Variants in FAF1 observed in about 807,000 individuals in gnomAD.
FAF1 encodes the protein FAS-associated factor 1.
Under a neutral mutation model 92.5 loss-of-function variants are expected in FAF1, and 25 were observed. That is an observed-to-expected ratio of 0.27 (90% CI 0.20 to 0.38). The LOEUF (loss-of-function observed/expected upper bound fraction) is 0.38, where lower values mean the gene tolerates loss of function less well. FAF1 is among the 10% of genes least tolerant of loss of function. FAF1 has a pLI of 1.00. For missense variants in FAF1, 636 were observed against 793.3 expected, an observed-to-expected ratio of 0.80 and a Z score of 2.38; for synonymous variants, 234 against 273.2, an observed-to-expected ratio of 0.86 and a Z score of 1.42.
At chr1:50,621,868 GA>G (rs1223688749) in intron 8 of FAF1, among the ~76,000 whole-genome samples, 4 of 152,164 alleles carry the variant, frequency 2.6e-5, no homozygotes, top group Non-Finnish European at 4.4e-5. Flanking sequence ...TTGCTCCCTA[GA>G]AAGATTCCCC....
chr1:50,828,560 C>T (rs370005460), intron 2 of FAF1, among the ~76,000 whole-genome samples: 24 of 152,194 alleles, frequency 1.6e-4, no homozygotes, highest in Admixed American at 5.2e-4. Context: ...TGAGCCACCG[C>T]GCCCGGCCAA....
chr1:50,760,297 C>A (rs372469503), intron 4 of FAF1, among the ~76,000 whole-genome samples: 3 of 151,974 alleles, frequency 2.0e-5, no homozygotes, highest in Non-Finnish European at 4.4e-5. Context: ...AAGTCAACAA[C>A]GATACCCAGG....
At chr1:50,633,432 G>T (rs1557446100) in intron 8 of FAF1, among the ~76,000 whole-genome samples, 1 of 152,174 alleles carries the variant, frequency 6.6e-6, no homozygotes, top group Admixed American at 6.5e-5. Flanking sequence ...AAGTGGCACA[G>T]CAAAACAAAA....
chr1:50,650,926 C>G (rs1182862433), intron 8 of FAF1, among the ~76,000 whole-genome samples: 1 of 152,124 alleles, frequency 6.6e-6, no homozygotes, highest in Non-Finnish European at 1.5e-5. Flanking sequence ...TCAAAGAGTA[C>G]AAAAGGAACG....
intron 1 of FAF1, among the ~76,000 whole-genome samples, chr1:50,953,555 T>A (rs1302119185): frequency 6.6e-6 from 1 of 152,036 alleles, no homozygotes; most frequent in African/African-American, 2.4e-5. Flanking sequence ...CTGGCCAAGA[T>A]GGCGAAACCC....
At position 50,829,042 on chromosome 1, in the gene FAF1, G is replaced by A. The variant is rs546900530; in HGVS notation, c.115-27365C>T. On this transcript the variant is annotated intron_variant, in intron 2 of 18. Coordinates refer to ENST00000396153, the MANE Select transcript of FAF1 (RefSeq NM_007051.3). ...CCCCAAATGGCTATTAATAATCTGGGAAGTATAATTTAAAACCACAATGAA... is the reference window on the plus strand; with the variant it reads ...CCCCAAATGGCTATTAATAATCTGGAAAGTATAATTTAAAACCACAATGAA... Among the ~76,000 whole-genome samples the A allele has an allele frequency of 2.0e-5, 3 of 152,312 alleles. No homozygotes were observed. The South Asian group carries it at 6.2e-4, about 32-fold the overall frequency.
intron 3 of FAF1, among the ~76,000 whole-genome samples, chr1:50,799,545 TAC>T (rs1012212600): frequency 2.6e-5 from 4 of 152,146 alleles, no homozygotes; most frequent in Non-Finnish European, 5.9e-5. Context: ...AGATAATTAG[TAC>T]AGTTTTTTGT....
chr1:50,744,892 G>T, intron 4 of FAF1, 117 bp from the exon 5 acceptor site: 1 of 518,618 alleles, frequency 1.9e-6, no homozygotes, highest in East Asian at 3.2e-5. Context: ...ACATTTGTCT[G>T]ATGAATATTT....
intron 1 of FAF1, among the ~76,000 whole-genome samples, chr1:50,891,989 GCTGCAGTGGGGTC>G (rs1644724094): frequency 1.3e-5 from 2 of 152,272 alleles, no homozygotes; most frequent in South Asian, 4.1e-4. Context: ...GCCTCCTTGA[GCTGCAGTGGGGTC>G]CACCCAGTTC....
chr1:50,441,957 T>C (rs1316286281), intron 18 of FAF1, among the ~76,000 whole-genome samples: 1 of 151,836 alleles, frequency 6.6e-6, no homozygotes, highest in African/African-American at 2.4e-5. Context: ...AACTGTAGAA[T>C]GGCCATTCCA....
At chr1:50,657,023 C>A (rs867706023) in intron 7 of FAF1, among the ~76,000 whole-genome samples, 1 of 151,858 alleles carries the variant, frequency 6.6e-6, no homozygotes. Context: ...TGAGCCTGGG[C>A]AACATAGTGA....
At chr1:50,770,590 A>C (rs1232583495) in intron 4 of FAF1, among the ~76,000 whole-genome samples, 1 of 152,184 alleles carries the variant, frequency 6.6e-6, no homozygotes, top group Non-Finnish European at 1.5e-5. Context: ...AAAAGACTGC[A>C]TGAAGATATT....
chr1:50,448,351 GT>G (rs1557948841), intron 18 of FAF1, among the ~76,000 whole-genome samples: 1 of 150,058 alleles, frequency 6.7e-6, no homozygotes, highest in African/African-American at 2.4e-5. Context: ...CAAATTCAAT[GT>G]TTATTTATAA....
intron 14 of FAF1, among the ~76,000 whole-genome samples, chr1:50,537,271 G>T (rs1308582677): frequency 6.6e-6 from 1 of 152,184 alleles, no homozygotes; most frequent in African/African-American, 2.4e-5. Flanking sequence ...TTAGGCTTAA[G>T]TCACTGCTTA....
intron 8 of FAF1, among the ~76,000 whole-genome samples, chr1:50,609,190 T>C (rs1342716748): frequency 6.6e-6 from 1 of 152,242 alleles, no homozygotes; most frequent in East Asian, 1.9e-4. Flanking sequence ...GGCTTTAGGT[T>C]TGTGAATAAA....
intron 7 of FAF1, among the ~76,000 whole-genome samples, chr1:50,688,148 T>A (rs563160472): frequency 1.1e-4 from 16 of 149,274 alleles, no homozygotes; most frequent in East Asian, 9.8e-4. Flanking sequence ...AAAAAATAAA[T>A]AAATAAATAA....
intron 15 of FAF1, among the ~76,000 whole-genome samples, chr1:50,503,450 C>T (rs1183443604): frequency 6.6e-6 from 1 of 151,930 alleles, no homozygotes; most frequent in African/African-American, 2.4e-5. Context: ...AGACCCCTGA[C>T]TCTACCAAAA....
chr1:50,630,715 G>T (rs1176298794), intron 8 of FAF1, among the ~76,000 whole-genome samples: 2 of 150,674 alleles, frequency 1.3e-5, no homozygotes, highest in African/African-American at 2.4e-5. Context: ...ATTGAAAAGT[G>T]TATCATATAA....
intron 18 of FAF1, among the ~76,000 whole-genome samples, chr1:50,454,156 GA>G (rs1646325666): frequency 6.6e-6 from 1 of 152,100 alleles, no homozygotes; most frequent in Non-Finnish European, 1.5e-5. Context: ...CTAAATTTTC[GA>G]ACAGGGGGTA....
Sources: allele counts gnomAD v4.1 joint callset (sites outside exome capture counted in the v4.1 genomes callset), GRCh38; gene constraint gnomAD v4.1.1; transcripts MANE v1.5; gene names NCBI Gene and HGNC (gene_info 2026-07-23, HGNC 2026-07-21).